KYNU: variants seen among roughly 807,000 people sequenced by gnomAD.
The protein encoded by KYNU is kynureninase.
Under a neutral mutation model 59.2 loss-of-function variants are expected in KYNU, and 54 were observed. That is an observed-to-expected ratio of 0.91 (90% CI 0.73 to 1.14). The LOEUF is 1.14. Ranked by LOEUF, KYNU falls within the 50% of genes most tolerant of loss-of-function variation. The pLI is 0.00. For missense variants in KYNU, 567 were observed against 554.4 expected (o/e 1.02, Z -0.23); for synonymous variants, 177 against 192.0 (o/e 0.92, Z 0.65).
At chr2:142,996,749 CAA>C (rs2105179688) in intron 10 of KYNU, among the ~76,000 whole-genome samples, 1 of 152,248 alleles carries the variant, frequency 6.6e-6, no homozygotes, top group Non-Finnish European at 1.5e-5. Context: ...ATTTTAAAGA[CAA>C]AGGGGAGCCA....
intron 10 of KYNU, among the ~76,000 whole-genome samples, chr2:143,006,115 G>C (rs1054492834): frequency 1.3e-4 from 20 of 152,204 alleles, no homozygotes; most frequent in Middle Eastern, 3.4e-3. Context: ...CGCAGAAGAC[G>C]GGTGATTTCT....
chr2:143,015,144 G>A (rs1321552908), intron 10 of KYNU, among the ~76,000 whole-genome samples: 1 of 152,090 alleles, frequency 6.6e-6, no homozygotes, highest in Non-Finnish European at 1.5e-5. Flanking sequence ...TCCTGTCTTG[G>A]CCTCTCAATT....
intron 8 of KYNU, among the ~76,000 whole-genome samples, chr2:142,972,791 C>CATATATATATAT (rs72267912): frequency 3.0e-5 from 4 of 135,350 alleles, no homozygotes; most frequent in African/African-American, 1.1e-4. Context: ...AGACAGAGGC[C>CATATATATATAT]ATATATATAT....
At chr2:143,005,497 T>C (rs561023701) in intron 10 of KYNU, among the ~76,000 whole-genome samples, 1 of 151,724 alleles carries the variant, frequency 6.6e-6, no homozygotes, top group African/African-American at 2.4e-5. Context: ...ATAATAGGAG[T>C]GAGAACTTGA....
At chr2:142,943,553 C>T (rs1683673027) in intron 4 of KYNU, among the ~76,000 whole-genome samples, 1 of 152,124 alleles carries the variant, frequency 6.6e-6, no homozygotes, top group East Asian at 1.9e-4. Context: ...TAATTAATGT[C>T]ATATTATCAA....
intron 2 of KYNU, among the ~76,000 whole-genome samples, chr2:142,912,365 G>A (rs1573780797): frequency 8.2e-6 from 1 of 122,132 alleles, no homozygotes; most frequent in Admixed American, 8.6e-5. Context: ...AGGATCTTTT[G>A]TATTTCTTTT....
chr2:142,999,938 G>A (rs59300221), intron 10 of KYNU, among the ~76,000 whole-genome samples: 6,917 of 152,000 alleles, frequency 0.046, 389 homozygotes, highest in African/African-American at 0.13. Flanking sequence ...TTACCAAGTT[G>A]CAATTTTTTC....
At chr2:142,949,057 G>C (rs1683896220) in intron 4 of KYNU, among the ~76,000 whole-genome samples, 1 of 152,330 alleles carries the variant, frequency 6.6e-6, no homozygotes, top group African/African-American at 2.4e-5. Flanking sequence ...AATCCAGTGG[G>C]GCAGTCAAAT....
At position 143,050,116 on chromosome 2, in the gene KYNU, A is replaced by G. The variant is rs922363311; in HGVS notation, c.*7944A>G. The G allele has an allele frequency of 2.0e-5, 3 of 148,534 alleles. No individual in the cohort carries two copies. Among genetic ancestry groups the G allele is most frequent in the African/African-American group, 4.9e-5 (2 of 40,944 alleles). The allele number at this position is 148,534 out of a possible 1,614,324, so 9.2% of individuals were successfully genotyped here. A position where few individuals can be genotyped will look rare whatever the true frequency, so the allele number is the denominator to read the frequency against. On this transcript the variant is annotated 3_prime_UTR_variant, in exon 14 of 14. Coordinates refer to ENST00000264170, the MANE Select transcript of KYNU (RefSeq NM_003937.3). ...TATGTAAAATCTATTTTATGTAAAC[A>G]TGATAATTAAATATATATTTAAATA...
chr2:142,883,186 C>CTTTTTTT (rs70997528), intron 1 of KYNU, among the ~76,000 whole-genome samples: 4 of 72,032 alleles, frequency 5.6e-5, no homozygotes, highest in Admixed American at 2.0e-4. Context: ...TCCCAAATTT[C>CTTTTTTT]TTTTTTTTTT....
At chr2:142,905,426 C>T (rs1248662103) in intron 2 of KYNU, among the ~76,000 whole-genome samples, 1 of 152,100 alleles carries the variant, frequency 6.6e-6, no homozygotes, top group Non-Finnish European at 1.5e-5. Context: ...TCTCAATCAC[C>T]CGAGAGGAAG....
intron 3 of KYNU, among the ~76,000 whole-genome samples, chr2:142,923,646 C>G (rs1558923769): frequency 1.3e-5 from 2 of 152,148 alleles, no homozygotes; most frequent in Non-Finnish European, 2.9e-5. Context: ...AAGGATATAT[C>G]AGTCCTAAAG....
chr2:142,976,072 G>T (rs1684871465), intron 8 of KYNU, among the ~76,000 whole-genome samples: 1 of 152,132 alleles, frequency 6.6e-6, no homozygotes, highest in Non-Finnish European at 1.5e-5. Context: ...ATTTATTAGA[G>T]AAGGTATGAA....
chr2:142,986,721 A>G (rs1047791221), intron 10 of KYNU, among the ~76,000 whole-genome samples: 11 of 151,768 alleles, frequency 7.2e-5, no homozygotes, highest in Non-Finnish European at 1.6e-4. Context: ...TGGGAAGAAA[A>G]AAAAAAACCC....
intron 4 of KYNU, among the ~76,000 whole-genome samples, chr2:142,942,966 C>T (rs565233190): frequency 3.3e-5 from 5 of 152,246 alleles, no homozygotes; most frequent in Non-Finnish European, 7.4e-5. Context: ...CCTAGAAGGT[C>T]ACATAAGAGA....
At chr2:142,895,040 AT>A (rs1681821947) in intron 2 of KYNU, among the ~76,000 whole-genome samples, 1 of 152,196 alleles carries the variant, frequency 6.6e-6, no homozygotes, top group South Asian at 2.1e-4. Context: ...ATCTGCTCTT[AT>A]CCCCCATTAA....
chr2:142,902,450 G>A (rs1275564012), intron 2 of KYNU, among the ~76,000 whole-genome samples: 2 of 152,168 alleles, frequency 1.3e-5, no homozygotes, highest in Admixed American at 6.5e-5. Flanking sequence ...CTTAATTAGT[G>A]TATATAATGG....
intron 2 of KYNU, among the ~76,000 whole-genome samples, chr2:142,894,946 AC>A (rs767814001): frequency 2.0e-5 from 3 of 151,958 alleles, no homozygotes; most frequent in Non-Finnish European, 4.4e-5. Context: ...GTCACTACAC[AC>A]CTTTTTCTGT....
chr2:142,960,860 C>A, intron 8 of KYNU, 90 bp downstream of exon 8: 2 of 1,307,716 alleles, frequency 1.5e-6, no homozygotes, highest in Non-Finnish European at 2.2e-6. Context: ...AGTACTTTAG[C>A]TTGTGTCTGA....
Sources: gnomAD v4.1 joint callset for allele counts (sites outside exome capture counted in the v4.1 genomes callset) on GRCh38, gnomAD v4.1.1 for gene constraint, MANE v1.5 for transcripts, NCBI Gene and HGNC (gene_info 2026-07-23, HGNC 2026-07-21) for gene names.